Variants in CACNA1C observed in about 807,000 individuals in gnomAD.
The protein encoded by CACNA1C is voltage-dependent L-type calcium channel subunit alpha-1C.
Under a neutral mutation model 229.0 loss-of-function variants are expected in CACNA1C, and 30 were observed. That is an observed-to-expected ratio of 0.13 (90% CI 0.10 to 0.18). The LOEUF is 0.18. CACNA1C is among the 10% of genes least tolerant of loss of function. The probability of loss-of-function intolerance (pLI) is 1.00; values close to 1 mark genes in which losing one functional copy is unlikely to be tolerated. For missense variants in CACNA1C, 1,658 were observed against 2,845.0 expected (o/e 0.58, Z 9.49); for synonymous variants, 1,114 against 1,132.5 (o/e 0.98, Z 0.33).
chr12:2,414,416 C>A (rs960091245), intron 3 of CACNA1C, among the ~76,000 whole-genome samples: 1 of 152,116 alleles, frequency 6.6e-6, no homozygotes, highest in African/African-American at 2.4e-5. Flanking sequence ...AGGCAGACAC[C>A]AGCTTCCCGT....
rs1307912558 is a variant in CACNA1C at position 2,287,386 on chromosome 12, G to T, written c.478-161590G>T. Among the ~76,000 whole-genome samples, 1 of 152,222 alleles carries T rather than the reference G, an allele frequency of 6.6e-6. No individual in the cohort carries two copies. The highest frequency in any genetic ancestry group is 1.9e-4 in the East Asian group (1 of 5,194). ...GTGCTGCACATGGTGCAGTTCCAGAGAAATGAGGGAATGAGAATGAACGTG... is the reference window on the plus strand; with the variant it reads ...GTGCTGCACATGGTGCAGTTCCAGATAAATGAGGGAATGAGAATGAACGTG... On this transcript the variant is annotated intron_variant, in intron 3 of 46. Coordinates refer to ENST00000399655, the MANE Select transcript of CACNA1C (RefSeq NM_000719.7). This position sits in a 1 kb window ranked among gnomAD's most constrained non-coding sequence, Gnocchi z 4.6.
At chr12:2,321,330 T>C (rs1360945728) in intron 3 of CACNA1C, among the ~76,000 whole-genome samples, 1 of 152,050 alleles carries the variant, frequency 6.6e-6, no homozygotes, top group Non-Finnish European at 1.5e-5. Context: ...AACATAGCTT[T>C]TGGAGTCCCA....
intron 9 of CACNA1C, among the ~76,000 whole-genome samples, chr12:2,518,817 G>A (rs1011918758): frequency 6.6e-6 from 1 of 152,208 alleles, no homozygotes; most frequent in Non-Finnish European, 1.5e-5. Context: ...AGGCCATGAA[G>A]TGAGAGCAGA....
chr12:2,004,749 T>C, intron 1 of CACNA1C: 1 of 359,542 alleles, frequency 2.8e-6, no homozygotes, highest in Non-Finnish European at 5.1e-6. Context: ...AGGATTTCCT[T>C]CTTGGATGTG....
intron 3 of CACNA1C, among the ~76,000 whole-genome samples, chr12:2,153,476 C>A (rs929722302): frequency 6.6e-6 from 1 of 152,200 alleles, no homozygotes; most frequent in Non-Finnish European, 1.5e-5. Flanking sequence ...AGTTCCCATT[C>A]CCCCTTCCCC....
intron 3 of CACNA1C, among the ~76,000 whole-genome samples, chr12:2,393,509 G>A (rs1265585772): frequency 2.6e-5 from 4 of 152,180 alleles, no homozygotes; most frequent in Non-Finnish European, 4.4e-5. Context: ...CCTGACAGCC[G>A]AAAGCTTACC....
At position 1,993,957 on chromosome 12, in the gene CACNA1C, A is replaced by T. The variant is rs78432669; in HGVS notation, c.139+22756A>T. On this transcript the variant is annotated intron_variant, in intron 1 of 46. Transcript: ENST00000682462. ...AGCCTGAACTAGAAGTTTACATAAC[A>T]GTGCAAAGGGCAGATACTTTGTTTT... 3.5e-3 allele frequency among the ~76,000 whole-genome samples: 540 copies of T among 152,350 alleles called. 2 individuals are homozygous for T. Among genetic ancestry groups the T allele is most frequent in the African/African-American group, 0.012 (484 of 41,572 alleles).
intron 1 of CACNA1C, among the ~76,000 whole-genome samples, chr12:2,021,495 A>G (rs1565947762): frequency 6.6e-6 from 1 of 152,144 alleles, no homozygotes; most frequent in Non-Finnish European, 1.5e-5. Context: ...CCTGGCCAAC[A>G]TGGTGAAACC....
At chr12:2,513,852 C>G (rs1258689476) in intron 9 of CACNA1C, among the ~76,000 whole-genome samples, 1 of 152,204 alleles carries the variant, frequency 6.6e-6, no homozygotes, top group Non-Finnish European at 1.5e-5. Context: ...GTTTTGACAA[C>G]TCCCCCAGGT....
chr12:2,128,558 T>C (rs145748073), intron 3 of CACNA1C, among the ~76,000 whole-genome samples: 2,658 of 152,126 alleles, frequency 0.017, 64 homozygotes, highest in African/African-American at 0.061. Flanking sequence ...CTACACGCGC[T>C]CAGCACCATG....
intron 1 of CACNA1C, among the ~76,000 whole-genome samples, chr12:2,096,642 A>T (rs571874769): frequency 4.6e-5 from 7 of 152,358 alleles, no homozygotes; most frequent in Non-Finnish European, 8.8e-5. Flanking sequence ...ATTTAGTGGC[A>T]TTAAGTACGT....
intron 3 of CACNA1C, among the ~76,000 whole-genome samples, chr12:2,359,069 A>G (rs1272048663): frequency 6.6e-6 from 1 of 152,216 alleles, no homozygotes; most frequent in Admixed American, 6.5e-5. Context: ...CCCATGAGAA[A>G]GCTTTTTGCC....
chr12:2,626,358 C>G (rs1452789551), intron 29 of CACNA1C, among the ~76,000 whole-genome samples: 2 of 152,208 alleles, frequency 1.3e-5, no homozygotes, highest in Non-Finnish European at 2.9e-5. Context: ...TTGGAAAGCT[C>G]TCTCCATGGC....
rs185912191 is a variant in CACNA1C at position 2,415,888 on chromosome 12, C to T, written c.478-33088C>T. ...GCCAGCTCTTATCAGGCACCCCTTC[C>T]CCGCATTTCCCGGCCACCCTTCTCT... On this transcript the variant is annotated intron_variant, in intron 3 of 46. Coordinates refer to ENST00000399655, the MANE Select transcript of CACNA1C (RefSeq NM_000719.7). Among the ~76,000 whole-genome samples the T allele has an allele frequency of 6.2e-3, 947 of 152,328 alleles. 6 individuals carry two copies. Among genetic ancestry groups the T allele is most frequent in the Non-Finnish European group, 9.9e-3 (672 of 68,032 alleles).
At chr12:2,445,272 C>T (rs993911357) in intron 3 of CACNA1C, among the ~76,000 whole-genome samples, 7 of 152,164 alleles carry the variant, frequency 4.6e-5, no homozygotes, top group African/African-American at 1.4e-4. Flanking sequence ...TGCTTGCCTC[C>T]GGAATGCCAT....
At chr12:2,111,934 A>G (rs2081937870) in intron 1 of CACNA1C, among the ~76,000 whole-genome samples, 1 of 152,114 alleles carries the variant, frequency 6.6e-6, no homozygotes, top group Non-Finnish European at 1.5e-5. Context: ...ATCATAGTAA[A>G]CAGAAAGAAT....
intron 3 of CACNA1C, among the ~76,000 whole-genome samples, chr12:2,336,339 G>A (rs961098340): frequency 6.6e-6 from 1 of 152,198 alleles, no homozygotes; most frequent in African/African-American, 2.4e-5. Flanking sequence ...AAGAAGACAA[G>A]TATAGCCCCT....
intron 3 of CACNA1C, among the ~76,000 whole-genome samples, chr12:2,166,728 A>G (rs1030488432): frequency 6.6e-6 from 1 of 152,224 alleles, no homozygotes; most frequent in African/African-American, 2.4e-5. Context: ...CAGGCACTCA[A>G]TAAAAGTTAG....
At position 2,348,476 on chromosome 12, in the gene CACNA1C, G is replaced by A. The variant is rs926682079; in HGVS notation, c.478-100500G>A. Among the ~76,000 whole-genome samples, 3 of 152,172 alleles carry A rather than the reference G, an allele frequency of 2.0e-5. No individual in the cohort carries two copies. The highest frequency in any genetic ancestry group is 6.5e-5 in the Admixed American group (1 of 15,278). On this transcript the variant is annotated intron_variant, in intron 3 of 46. Coordinates refer to ENST00000399655, the MANE Select transcript of CACNA1C (RefSeq NM_000719.7). The surrounding 1 kb of genome is among the most constrained non-coding windows in gnomAD (Gnocchi z 4.7). ...CCGTTGGCGTGTATGGTGTCTTCTCGCTGAGCCACAGCACCTGGTTTAGGG... is the reference window on the plus strand; with the variant it reads ...CCGTTGGCGTGTATGGTGTCTTCTCACTGAGCCACAGCACCTGGTTTAGGG...
Sources: gnomAD v4.1 joint callset for allele counts (sites outside exome capture counted in the v4.1 genomes callset) on GRCh38, gnomAD v4.1.1 for gene constraint, Gnocchi (gnomAD v3.1) non-coding constraint, MANE v1.5 for transcripts, NCBI Gene and HGNC (gene_info 2026-07-23, HGNC 2026-07-21) for gene names.